The following SLC39A10 variants were observed in gnomAD, a reference collection of about 807,000 sequenced individuals.
The protein encoded by SLC39A10 is solute carrier family 39 member 10.
SLC39A10 carries 13 observed loss-of-function variants against 65.1 expected under a neutral mutation model. The ratio of observed to expected loss-of-function variants is 0.20; its 90% CI spans 0.13 to 0.32. The LOEUF is 0.32. Among genes scored for constraint, SLC39A10 ranks in the 10% least tolerant of loss-of-function variants. The probability of loss-of-function intolerance (pLI) is 1.00; values close to 1 mark genes in which losing one functional copy is unlikely to be tolerated. For synonymous variants in SLC39A10, 321 were observed against 342.2 expected (o/e 0.94, Z 0.68); for missense variants, 831 against 1,018.4 (o/e 0.82, Z 2.50).
chr2:195,634,467 T>C (rs1688658778), intron 2 of SLC39A10, among the ~76,000 whole-genome samples: 1 of 152,230 alleles, frequency 6.6e-6, no homozygotes, highest in Non-Finnish European at 1.5e-5. Flanking sequence ...TTCAACTTGA[T>C]GTGCCTCCTT....
chr2:195,726,572 G>C (rs931564438), intron 8 of SLC39A10, among the ~76,000 whole-genome samples: 67 of 152,282 alleles, frequency 4.4e-4, no homozygotes, highest in Admixed American at 8.5e-4. Context: ...GATGTAAGGA[G>C]AATAGCATTA....
intron 1 of SLC39A10, among the ~76,000 whole-genome samples, chr2:195,667,817 T>C (rs915837990): frequency 2.0e-5 from 3 of 152,208 alleles, no homozygotes; most frequent in African/African-American, 7.2e-5. Flanking sequence ...TTAATGGATA[T>C]ACGAGAAGTA....
At chr2:195,663,707 AAAAAG>A (rs962008489) in intron 1 of SLC39A10, among the ~76,000 whole-genome samples, 1 of 107,664 alleles carries the variant, frequency 9.3e-6, no homozygotes, top group Non-Finnish European at 2.3e-5. Flanking sequence ...GTTATGAAAA[AAAAAG>A]AAATAAGAGA....
intron 2 of SLC39A10, among the ~76,000 whole-genome samples, chr2:195,627,196 T>C (rs1164238580): frequency 6.6e-6 from 1 of 152,198 alleles, no homozygotes; most frequent in Non-Finnish European, 1.5e-5. Flanking sequence ...CTAGAGAGTT[T>C]AGTCCTGAGC....
chr2:195,683,668 T>A lies in SLC39A10; in HGVS notation c.1009-31T>A, dbSNP rs1559032779. ...TGCATAATCTCCTTAAAGACACTCTTATTTAATTTGTTTTATCACTTTCCT... is the reference window on the plus strand; with the variant it reads ...TGCATAATCTCCTTAAAGACACTCTAATTTAATTTGTTTTATCACTTTCCT... On this transcript the variant is annotated intron_variant, in intron 2 of 9. Transcript: ENST00000359634. The A allele has an allele frequency of 4.5e-6, 7 of 1,551,902 alleles. No individual in the cohort carries two copies. The Middle Eastern group carries it at 5.1e-4, about 113-fold the overall frequency.
chr2:195,655,724 C>T (rs1166837523), upstream of SLC39A10, among the ~76,000 whole-genome samples: 7 of 152,318 alleles, frequency 4.6e-5, no homozygotes, highest in East Asian at 1.3e-3. Flanking sequence ...CAGGACTTCT[C>T]CCTTTGTAAG....
At chr2:195,685,498 C>T (rs771634528) in intron 3 of SLC39A10, among the ~76,000 whole-genome samples, 7 of 152,076 alleles carry the variant, frequency 4.6e-5, no homozygotes, top group South Asian at 2.1e-4. Flanking sequence ...ACATTCTTAA[C>T]GCTCATCATT....
intron 9 of SLC39A10, 139 bp from the exon 10 acceptor site, chr2:195,734,744 A>T: frequency 1.3e-6 from 1 of 785,396 alleles, no homozygotes; most frequent in Non-Finnish European, 1.9e-6. Flanking sequence ...TCTGGTGGGT[A>T]GCATTGTGTT....
intron 1 of SLC39A10, among the ~76,000 whole-genome samples, chr2:195,675,294 C>T (rs1351546192): frequency 6.6e-6 from 1 of 152,048 alleles, no homozygotes; most frequent in East Asian, 1.9e-4. Flanking sequence ...TTTGAGCGTG[C>T]TTGGATTTTT....
Position 195,695,470 on chromosome 2 carries a change from C to G in SLC39A10, c.1217-11146C>G, listed in dbSNP as rs148080587. 5.4e-3 allele frequency among the ~76,000 whole-genome samples: 822 copies of G among 152,306 alleles called. 8 individuals are homozygous for G. Among genetic ancestry groups the G allele is most frequent in the Middle Eastern group, 0.041 (12 of 294 alleles). ...CACTCCCACCATTCCCCCGGAGAAG[C>G]ACCGAGTCTATTTCCAGGCAGCCAG... On this transcript the variant is annotated intron_variant, in intron 3 of 9. Transcript: ENST00000359634.
Position 195,680,100 on chromosome 2 carries a change from C to T in SLC39A10, c.58C>T (p.His20Tyr), listed in dbSNP as rs760544879. Reference sequence around the variant, plus strand: ...CATTTGTTTGCTGACATTTATTTTTCATCATTGCAACCATTGCCATGAAGA... The same window carrying T: ...CATTTGTTTGCTGACATTTATTTTTTATCATTGCAACCATTGCCATGAAGA... ...CLICLLTFIFHHCNHCHEEHD... is the reference protein window; with the variant it reads ...CLICLLTFIFYHCNHCHEEHD... The change falls in exon 2 of 10, where the codon CAT (histidine) becomes TAT (tyrosine). Residue 20 changes from histidine (H) to tyrosine (Y), a missense_variant. Transcript: ENST00000359634. 1 of 1,608,096 alleles carries T rather than the reference C, an allele frequency of 6.2e-7. No homozygotes were observed. Among genetic ancestry groups the T allele is most frequent in the Admixed American group, 1.7e-5 (1 of 58,536 alleles).
chr2:195,718,465 A>C lies in SLC39A10; in HGVS notation c.2146+133A>C. The C allele has an allele frequency of 7.2e-6, 4 of 552,578 alleles. No homozygotes were observed. In the South Asian group the frequency reaches 1.2e-4, roughly 17 times the overall value. 34.2% of individuals were successfully genotyped at this position (552,578 alleles called of 1,614,324 possible). A position where few individuals can be genotyped will look rare whatever the true frequency, so the allele number is the denominator to read the frequency against. ...CAACTATAGTGTCACTAATTGTAAG[A>C]TACTTCATGATGTTAAAATATGAAA... On this transcript the variant is annotated intron_variant, in intron 8 of 9. Transcript: ENST00000359634.
intron 1 of SLC39A10, among the ~76,000 whole-genome samples, chr2:195,663,746 GAA>G (rs1689513287): frequency 6.8e-6 from 1 of 147,972 alleles, no homozygotes; most frequent in African/African-American, 2.5e-5. Flanking sequence ...TATTAAAACA[GAA>G]AAAAGATTTG....
chr2:195,726,503 C>T (rs1692244831), intron 8 of SLC39A10, among the ~76,000 whole-genome samples: 1 of 151,988 alleles, frequency 6.6e-6, no homozygotes, highest in Admixed American at 6.6e-5. Flanking sequence ...GAGATAAAAG[C>T]TGATATTAAA....
chr2:195,662,018 G>A lies in SLC39A10; in HGVS notation c.-12+4737G>A, dbSNP rs116596467. The stretch of plus-strand genomic sequence containing the variant: ...TTTGGGGGACAGCCCATCCCGTTAA[G>A]ATTTTTAGGGATTAGAAAAGCAAGA... On this transcript the variant is annotated intron_variant, in intron 1 of 9. Coordinates refer to ENST00000359634, the MANE Select transcript of SLC39A10 (RefSeq NM_020342.3). Among the ~76,000 whole-genome samples the A allele has an allele frequency of 9.1e-3, 1,385 of 152,260 alleles. 16 individuals are homozygous for A. The highest frequency in any genetic ancestry group is 0.031 in the African/African-American group (1,287 of 41,544).
chr2:195,695,472 C>T (rs1690915175), intron 3 of SLC39A10, among the ~76,000 whole-genome samples: 1 of 152,194 alleles, frequency 6.6e-6, no homozygotes, highest in African/African-American at 2.4e-5. Context: ...CGGAGAAGCA[C>T]CGAGTCTATT....
chr2:195,626,561 G>A (rs1034690411), intron 2 of SLC39A10, among the ~76,000 whole-genome samples: 3 of 151,742 alleles, frequency 2.0e-5, no homozygotes, highest in Non-Finnish European at 1.5e-5. Flanking sequence ...TTTTTTCAGG[G>A]TTGTAAGATA....
At chr2:195,671,910 T>C (rs1242869027) in intron 1 of SLC39A10, among the ~76,000 whole-genome samples, 1 of 152,168 alleles carries the variant, frequency 6.6e-6, no homozygotes, top group Non-Finnish European at 1.5e-5. Context: ...AAGAATGTTA[T>C]GTCTCTGAAT....
At chr2:195,679,990 AG>A in intron 1 of SLC39A10, 41 bp from the exon 2 acceptor site, 2 of 1,486,836 alleles carry the variant, frequency 1.3e-6, no homozygotes, top group South Asian at 2.8e-5. Context: ...GAATGTGTCT[AG>A]GTAGAAACTA....
Sources: gnomAD v4.1 joint callset for allele counts (sites outside exome capture counted in the v4.1 genomes callset) on GRCh38, gnomAD v4.1.1 for gene constraint, MANE v1.5 for transcripts, NCBI Gene and HGNC (gene_info 2026-07-23, HGNC 2026-07-21) for gene names.